The following INPP5D variants were observed in gnomAD, a reference collection of about 807,000 sequenced individuals.
INPP5D encodes the protein inositol polyphosphate-5-phosphatase D, also known as phosphatidylinositol 3,4,5-trisphosphate 5-phosphatase 1.
Under a neutral mutation model 122.9 loss-of-function variants are expected in INPP5D, and 33 were observed. That is an observed-to-expected ratio of 0.27 (90% CI 0.20 to 0.36). The LOEUF is 0.36. INPP5D is among the 10% of genes least tolerant of loss of function. INPP5D has a pLI of 1.00. For missense variants in INPP5D, 1,053 were observed against 1,412.7 expected (o/e 0.75, Z 4.08); for synonymous variants, 584 against 576.2 (o/e 1.01, Z -0.19).
In INPP5D at chr2:233,189,964, C is replaced by G. The variant is rs1258077636; in HGVS notation, c.2446+27C>G. ...TAAGGGTCTGTGGGCAGGTGCCACA[C>G]CTGCCTGTGAACTGGCGGCCTCTGA... On this transcript the variant is annotated intron_variant, in intron 22 of 26. Coordinates refer to ENST00000445964, the MANE Select transcript of INPP5D (RefSeq NM_001017915.3). The surrounding 1 kb of genome is among the most constrained non-coding windows in gnomAD (Gnocchi z 5.6). The G allele has an allele frequency of 1.9e-6, 3 of 1,610,142 alleles. No individual in the cohort carries two copies. The highest frequency in any genetic ancestry group is 2.5e-6 in the Non-Finnish European group (3 of 1,178,206).
At chr2:233,196,769 G>A (rs1435316315) in intron 24 of INPP5D, among the ~76,000 whole-genome samples, 1 of 152,114 alleles carries the variant, frequency 6.6e-6, no homozygotes, top group Admixed American at 6.5e-5. Context: ...GCAGAACCAT[G>A]CCAGCAGCAG....
rs773858463 is a variant in INPP5D, at chr2:233,122,245, G to T, written c.337G>T (p.Glu113Ter). 6.2e-7 allele frequency: 1 copy of T among 1,613,714 alleles called. No individual in the cohort carries two copies. The highest frequency in any genetic ancestry group is 1.1e-5 in the South Asian group (1 of 91,068). Residue 113 changes from glutamate (E) to a stop codon, truncating the protein, a stop_gained, in exon 3 of 27, where the codon GAG becomes TAG. Transcript: ENST00000445964. LOFTEE classifies it high-confidence loss of function. ...GGAAGAGGACACAGGCGACGACCCT[G>T]AGGAGGACACAGGTAGGGAGGGAGG... is the stretch of plus-strand genomic sequence containing the variant. ...LEEEDTGDDP[E>*]EDTVESVVSP...
rs748190967 is a variant in INPP5D, at chr2:233,060,627, C to G, written c.134+15C>G. On this transcript the variant is annotated intron_variant, in intron 1 of 26. Transcript: ENST00000445964. ...CTCTGCGTGCTGTGAGTACAACCTGCTCCCTCCCCGGGCACAGATATGACA... is the reference window on the plus strand; with the variant it reads ...CTCTGCGTGCTGTGAGTACAACCTGGTCCCTCCCCGGGCACAGATATGACA... The G allele has an allele frequency of 6.2e-7, 1 of 1,613,276 alleles. No homozygotes were observed. Among genetic ancestry groups the G allele is most frequent in the Admixed American group, 1.7e-5 (1 of 59,994 alleles).
intron 2 of INPP5D, among the ~76,000 whole-genome samples, chr2:233,120,339 C>T (rs1692933463): frequency 6.6e-6 from 1 of 152,144 alleles, no homozygotes; most frequent in Admixed American, 6.6e-5. Flanking sequence ...CAAAAATTAG[C>T]TGGGTGTGGT....
rs181363463 is a variant in INPP5D, at chr2:233,169,455, C to T, written c.1652+54C>T. On this transcript the variant is annotated intron_variant, in intron 14 of 26. Coordinates refer to ENST00000445964, the MANE Select transcript of INPP5D (RefSeq NM_001017915.3). ...TGCATTTGGGCTGTCTGCCCAGACACGCCTCACACCTTTAAGCACCAGAAG... is the reference window on the plus strand; with the variant it reads ...TGCATTTGGGCTGTCTGCCCAGACATGCCTCACACCTTTAAGCACCAGAAG... 1.6e-4 allele frequency: 252 copies of T among 1,551,712 alleles called. 1 individual carries two copies. The African/African-American group carries it at 2.7e-3, about 17-fold the overall frequency.
In INPP5D at chr2:233,188,657, G is replaced by C. The variant is rs1694977732; in HGVS notation, c.2359-1193G>C. ...GCTCACTGCAACCTCCGCCTCCAAG[G>C]TTCAAGCGATTTGCCTGTCTCAGCC... On this transcript the variant is annotated intron_variant, in intron 21 of 26. Coordinates refer to ENST00000445964, the MANE Select transcript of INPP5D (RefSeq NM_001017915.3). This position sits in a 1 kb window ranked among gnomAD's most constrained non-coding sequence, Gnocchi z 4.7. Among the ~76,000 whole-genome samples, 1 of 152,198 alleles carries C rather than the reference G, an allele frequency of 6.6e-6. No individual in the cohort carries two copies. Among genetic ancestry groups the C allele is most frequent in the African/African-American group, 2.4e-5 (1 of 41,444 alleles).
intron 2 of INPP5D, among the ~76,000 whole-genome samples, chr2:233,113,202 C>T (rs1212300878): frequency 6.6e-6 from 1 of 152,122 alleles, no homozygotes; most frequent in Non-Finnish European, 1.5e-5. Context: ...CTGACATCAC[C>T]ACCTCCTTGG....
Position 233,177,671 on chromosome 2 carries a change from T to C in INPP5D, c.2071+325T>C, listed in dbSNP as rs540136288. On this transcript the variant is annotated intron_variant, in intron 18 of 26. Coordinates refer to ENST00000445964, the MANE Select transcript of INPP5D (RefSeq NM_001017915.3). The surrounding 1 kb of genome is among the most constrained non-coding windows in gnomAD (Gnocchi z 4.2). ...TCACCACAACTTCTACCTCCTGGGT[T>C]CAAGCGATTCTCGTGCCACAGCCTC... Among the ~76,000 whole-genome samples the C allele has an allele frequency of 5.3e-5, 8 of 152,298 alleles. No homozygotes were observed. Among genetic ancestry groups the C allele is most frequent in the Non-Finnish European group, 1.0e-4 (7 of 68,032 alleles).
chr2:233,143,318 T>C (rs1231052754), intron 6 of INPP5D, among the ~76,000 whole-genome samples: 4 of 151,772 alleles, frequency 2.6e-5, no homozygotes, highest in African/African-American at 9.7e-5. Context: ...ATATCTCCCC[T>C]CCCAAAAGTC....
chr2:233,143,935 G>C (rs896419397), intron 6 of INPP5D, among the ~76,000 whole-genome samples: 3 of 151,776 alleles, frequency 2.0e-5, no homozygotes, highest in Admixed American at 2.0e-4. Flanking sequence ...GGTGAGGGTG[G>C]AGATGGTGGT....
chr2:233,187,303 G>A (rs755404699), intron 21 of INPP5D, among the ~76,000 whole-genome samples: 8 of 152,192 alleles, frequency 5.3e-5, no homozygotes, highest in Non-Finnish European at 8.8e-5. Flanking sequence ...CATGCTGGGT[G>A]GGAAGTGGAG....
intron 4 of INPP5D, among the ~76,000 whole-genome samples, chr2:233,129,990 C>T (rs1310060732): frequency 1.3e-5 from 2 of 152,116 alleles, no homozygotes; most frequent in African/African-American, 4.8e-5. Flanking sequence ...CAACCTCTGC[C>T]TTCCGGGTTC....
chr2:233,119,179 A>T (rs909831954), intron 2 of INPP5D, among the ~76,000 whole-genome samples: 2 of 152,142 alleles, frequency 1.3e-5, no homozygotes, highest in African/African-American at 4.8e-5. Context: ...CCCAAATCTC[A>T]CATGCTCACT....
At chr2:233,127,077 C>T (rs994945097) in intron 4 of INPP5D, among the ~76,000 whole-genome samples, 1 of 152,284 alleles carries the variant, frequency 6.6e-6, no homozygotes, top group East Asian at 1.9e-4. Context: ...GCTCGTACAC[C>T]TCCCGCCAAC....
At chr2:233,174,307 A>T (rs2106306032) in intron 17 of INPP5D, among the ~76,000 whole-genome samples, 1 of 152,370 alleles carries the variant, frequency 6.6e-6, no homozygotes, top group Non-Finnish European at 1.5e-5. Flanking sequence ...CCCCAGAAGC[A>T]TGTGAGTAAT....
At chr2:233,119,002 A>G (rs1049304013) in intron 2 of INPP5D, among the ~76,000 whole-genome samples, 7 of 152,202 alleles carry the variant, frequency 4.6e-5, no homozygotes, top group Non-Finnish European at 1.0e-4. Context: ...CTCTGTTCCT[A>G]GTACACAGCA....
chr2:233,133,969 G>T, intron 5 of INPP5D: 1 of 456,384 alleles, frequency 2.2e-6, no homozygotes, highest in Non-Finnish European at 4.4e-6. Flanking sequence ...TGACCCAATG[G>T]CTGGGGGCGT....
In INPP5D at chr2:233,177,876, G is replaced by A. The variant is rs140303446; in HGVS notation, c.2071+530G>A. Among the ~76,000 whole-genome samples, 2,152 of 152,146 alleles carry A rather than the reference G, an allele frequency of 0.014. 26 individuals carry two copies. Among genetic ancestry groups the A allele is most frequent in the Non-Finnish European group, 0.019 (1,314 of 67,992 alleles). ...AGGCATGAGCCACCGCGGCCGACCC[G>A]GAGCACTTTTTTAAAAATTCAGTTT... On this transcript the variant is annotated intron_variant, in intron 18 of 26. Transcript: ENST00000445964. This position sits in a 1 kb window ranked among gnomAD's most constrained non-coding sequence, Gnocchi z 4.2.
chr2:233,068,402 G>T (rs568762894), intron 1 of INPP5D, among the ~76,000 whole-genome samples: 1 of 151,982 alleles, frequency 6.6e-6, no homozygotes, highest in East Asian at 1.9e-4. Context: ...AGACCAGCCT[G>T]GCCAACACAG....
Sources: gnomAD v4.1 joint callset for allele counts (sites outside exome capture counted in the v4.1 genomes callset) on GRCh38, gnomAD v4.1.1 for gene constraint, Gnocchi (gnomAD v3.1) non-coding constraint, MANE v1.5 for transcripts, NCBI Gene and HGNC (gene_info 2026-07-23, HGNC 2026-07-21) for gene names.